The following CLIC4 variants were observed in gnomAD, a reference collection of about 807,000 sequenced individuals.
CLIC4 encodes CLIC family member 4.
In CLIC4, 13 loss-of-function variants were observed where a neutral mutation model predicts 24.6. The observed-to-expected ratio is 0.53, with a 90% CI of 0.34 to 0.84. CLIC4 has a LOEUF of 0.84. Ranked by LOEUF, CLIC4 falls within the 40% of genes least tolerant of loss-of-function variation. CLIC4 has a pLI of 0.01. For missense variants in CLIC4, 227 were observed against 301.7 expected (o/e 0.75, Z 1.83); for synonymous variants, 104 against 111.3 (o/e 0.93, Z 0.41).
intron 1 of CLIC4, among the ~76,000 whole-genome samples, chr1:24,786,832 A>T (rs1298273740): frequency 6.6e-6 from 1 of 151,860 alleles, no homozygotes; most frequent in East Asian, 2.0e-4. Flanking sequence ...GTTAGCCAGG[A>T]TGGTCTCGAT....
chr1:24,750,491 G>T (rs1242224655), intron 1 of CLIC4, among the ~76,000 whole-genome samples: 1 of 142,498 alleles, frequency 7.0e-6, no homozygotes, highest in Non-Finnish European at 1.5e-5. Flanking sequence ...TCAGCCTCCC[G>T]AGTGGCTGGG....
Position 24,781,668 on chromosome 1 carries a change from A to AT in CLIC4, c.73-16058dup, listed in dbSNP as rs770081766. On this transcript the variant is annotated intron_variant, in intron 1 of 5. Transcript: ENST00000374379. ...GAAGATGGAGAACTTTGTGAGACCT[A>AT]TTTTTTTTTTTTTTTTAAAGACGGA... Among the ~76,000 whole-genome samples, 947 of 138,514 alleles carry AT rather than the reference A, an allele frequency of 6.8e-3. 10 individuals are homozygous for AT. Among genetic ancestry groups the AT allele is most frequent in the African/African-American group, 0.018 (698 of 37,832 alleles). 90.9% of individuals were successfully genotyped at this position (138,514 alleles called of 152,430 possible).
At chr1:24,840,251 T>G (rs1639928793) in intron 5 of CLIC4, among the ~76,000 whole-genome samples, 1 of 152,216 alleles carries the variant, frequency 6.6e-6, no homozygotes, top group Admixed American at 6.5e-5. Context: ...AATATTTTTT[T>G]TTCTGTGACT....
intron 2 of CLIC4, among the ~76,000 whole-genome samples, chr1:24,813,311 G>A (rs1195766834): frequency 6.6e-6 from 1 of 151,826 alleles, no homozygotes; most frequent in African/African-American, 2.4e-5. Flanking sequence ...CAAAGTGCTG[G>A]GATTACAGCC....
At chr1:24,829,839 G>A (rs565362273) in intron 4 of CLIC4, among the ~76,000 whole-genome samples, 46 of 152,272 alleles carry the variant, frequency 3.0e-4, no homozygotes, top group African/African-American at 1.0e-3. Flanking sequence ...GTCAGAGGAT[G>A]GTTGTGCATT....
Position 24,750,436 on chromosome 1 carries a change from C to CT in CLIC4, c.72+4828dup, listed in dbSNP as rs368673049. On this transcript the variant is annotated intron_variant, in intron 1 of 5. Transcript: ENST00000374379. The stretch of plus-strand genomic sequence containing the variant: ...GGTTTCTTTCTTTCTTTCTTTCTTT[C>CT]TTTTTTTTTTTTTTTTTAAGACGGA... Among the ~76,000 whole-genome samples, 320 of 137,496 alleles carry CT rather than the reference C, an allele frequency of 2.3e-3. 1 individual carries two copies. The highest frequency in any genetic ancestry group is 5.1e-3 in the Admixed American group (69 of 13,610). 90.2% of individuals were successfully genotyped at this position (137,496 alleles called of 152,430 possible). A position where few individuals can be genotyped will look rare whatever the true frequency, so the allele number is the denominator to read the frequency against.
intron 1 of CLIC4, among the ~76,000 whole-genome samples, chr1:24,784,392 C>T (rs1308450655): frequency 6.6e-6 from 1 of 152,116 alleles, no homozygotes; most frequent in Non-Finnish European, 1.5e-5. Flanking sequence ...GAGTCTGGCT[C>T]TAAATTAGTG....
chr1:24,807,124 C>T (rs556528488), intron 2 of CLIC4, among the ~76,000 whole-genome samples: 1 of 151,468 alleles, frequency 6.6e-6, no homozygotes, highest in South Asian at 2.1e-4. Context: ...AGAGAGACCC[C>T]CATCTCTAAA....
chr1:24,794,045 GCT>G (rs1639370020), intron 1 of CLIC4, among the ~76,000 whole-genome samples: 2 of 152,092 alleles, frequency 1.3e-5, no homozygotes, highest in South Asian at 2.1e-4. Context: ...CAGCATTCCA[GCT>G]CTCTTTCCTT....
chr1:24,750,888 A>G (rs1012416207), intron 1 of CLIC4, among the ~76,000 whole-genome samples: 1 of 152,066 alleles, frequency 6.6e-6, no homozygotes, highest in Non-Finnish European at 1.5e-5. Flanking sequence ...ATATATTTAT[A>G]GGCAGATCTC....
chr1:24,775,224 CTTTTTTTTTTT>C, intron 1 of CLIC4, among the ~76,000 whole-genome samples: 3 of 90,664 alleles, frequency 3.3e-5, no homozygotes, highest in Admixed American at 1.3e-4. Context: ...TTCTTTCTTT[CTTTTTTTTTTT>C]TTTTTTTTTG....
intron 2 of CLIC4, among the ~76,000 whole-genome samples, chr1:24,811,174 C>A (rs1236641207): frequency 6.6e-6 from 1 of 151,966 alleles, no homozygotes; most frequent in Non-Finnish European, 1.5e-5. Flanking sequence ...TGTAAAACAA[C>A]TATATTTCCC....
At chr1:24,748,079 CTAT>C (rs1557791882) in intron 1 of CLIC4, among the ~76,000 whole-genome samples, 1 of 151,002 alleles carries the variant, frequency 6.6e-6, no homozygotes, top group African/African-American at 2.4e-5. Flanking sequence ...ATTCAGTATT[CTAT>C]TATTCTATTG....
At chr1:24,828,737 A>G (rs1639812110) in intron 4 of CLIC4, among the ~76,000 whole-genome samples, 1 of 152,172 alleles carries the variant, frequency 6.6e-6, no homozygotes, top group South Asian at 2.1e-4. Context: ...TGACTCATTT[A>G]AGTATAACTT....
At position 24,842,391 on chromosome 1, in the gene CLIC4, T is replaced by C. The variant is rs1210453754; in HGVS notation, c.*1454T>C. 1 of 152,190 alleles carries C rather than the reference T, an allele frequency of 6.6e-6. No homozygotes were observed. The highest frequency in any genetic ancestry group is 2.4e-5 in the African/African-American group (1 of 41,452). 9.4% of individuals were successfully genotyped at this position (152,190 alleles called of 1,614,324 possible). Reference sequence around the variant, plus strand: ...ACTGTGATTGTGACTATAATACATTTTTGGTAATTTTTTTATACCTAATTT... The same window carrying C: ...ACTGTGATTGTGACTATAATACATTCTTGGTAATTTTTTTATACCTAATTT... On this transcript the variant is annotated 3_prime_UTR_variant, in exon 6 of 6. Transcript: ENST00000374379.
intron 1 of CLIC4, among the ~76,000 whole-genome samples, chr1:24,795,084 G>A (rs1469848581): frequency 6.6e-6 from 1 of 152,034 alleles, no homozygotes; most frequent in East Asian, 1.9e-4. Context: ...TTGGGCTCTA[G>A]GCTTTGTACC....
At chr1:24,815,484 A>G (rs1451225211) in intron 3 of CLIC4, among the ~76,000 whole-genome samples, 1 of 152,194 alleles carries the variant, frequency 6.6e-6, no homozygotes, top group Admixed American at 6.5e-5. Context: ...CCTGGGTGAC[A>G]AAAGCAAAAC....
intron 1 of CLIC4, among the ~76,000 whole-genome samples, chr1:24,786,687 T>A (rs1414987005): frequency 2.0e-5 from 3 of 151,450 alleles, no homozygotes; most frequent in East Asian, 1.9e-4. Context: ...GTGCTATCTC[T>A]GCTCACTGCA....
chr1:24,749,073 G>T (rs780628840), intron 1 of CLIC4, among the ~76,000 whole-genome samples: 1 of 151,904 alleles, frequency 6.6e-6, no homozygotes, highest in Non-Finnish European at 1.5e-5. Flanking sequence ...AATTAGCCAC[G>T]CATAGTGGTG....
Sources: gnomAD v4.1 joint callset for allele counts (sites outside exome capture counted in the v4.1 genomes callset) on GRCh38, gnomAD v4.1.1 for gene constraint, MANE v1.5 for transcripts, NCBI Gene and HGNC (gene_info 2026-07-23, HGNC 2026-07-21) for gene names.